RALYL: variants seen among roughly 807,000 people sequenced by gnomAD.
RALYL encodes the protein RNA-binding Raly-like protein.
In RALYL, 29 loss-of-function variants were observed where a neutral mutation model predicts 35.1. That is an observed-to-expected ratio of 0.83 (90% CI 0.61 to 1.13). The LOEUF (loss-of-function observed/expected upper bound fraction) is 1.13, where lower values mean the gene tolerates loss of function less well. Ranked by LOEUF, RALYL falls within the 50% of genes most tolerant of loss-of-function variation. RALYL has a pLI of 0.00. For synonymous variants in RALYL, 120 were observed against 127.6 expected, an observed-to-expected ratio of 0.94 and a Z score of 0.40; for missense variants, 359 against 360.4, an observed-to-expected ratio of 1.00 and a Z score of 0.03.
At chr8:84,501,354 A>AT (rs1448049465) in intron 1 of RALYL, among the ~76,000 whole-genome samples, 3 of 152,202 alleles carry the variant, frequency 2.0e-5, no homozygotes, top group Non-Finnish European at 2.9e-5. Context: ...TTCCACATAG[A>AT]TTTTCTAGAA....
chr8:84,753,798 T>C (rs996392993), intron 2 of RALYL, among the ~76,000 whole-genome samples: 2 of 152,184 alleles, frequency 1.3e-5, no homozygotes, highest in East Asian at 1.9e-4. Context: ...TAAACCGCTT[T>C]TCCTTATAAA....
At chr8:84,503,236 C>T (rs907172574) in intron 1 of RALYL, among the ~76,000 whole-genome samples, 1 of 151,894 alleles carries the variant, frequency 6.6e-6, no homozygotes, top group African/African-American at 2.4e-5. Flanking sequence ...CAGCCTCAAA[C>T]TCCTGAGCTC....
intron 2 of RALYL, among the ~76,000 whole-genome samples, chr8:84,693,699 AG>A (rs1394859367): frequency 6.6e-6 from 1 of 151,962 alleles, no homozygotes; most frequent in African/African-American, 2.4e-5. Flanking sequence ...TGATGAACAT[AG>A]ATGTAAAAAT....
chr8:84,247,520 C>T (rs1180766893), intron 1 of RALYL, among the ~76,000 whole-genome samples: 4 of 148,206 alleles, frequency 2.7e-5, no homozygotes, highest in African/African-American at 1.0e-4. Flanking sequence ...AATTTAATGA[C>T]ACATTTTAAA....
chr8:84,283,712 A>AT (rs1328274988), intron 1 of RALYL, among the ~76,000 whole-genome samples: 12 of 152,094 alleles, frequency 7.9e-5, no homozygotes, highest in Non-Finnish European at 1.6e-4. Flanking sequence ...TCTTTTACAG[A>AT]TTTTTTGCCT....
chr8:84,836,563 C>T (rs949375622), intron 4 of RALYL, among the ~76,000 whole-genome samples: 5 of 152,272 alleles, frequency 3.3e-5, no homozygotes, highest in African/African-American at 7.2e-5. Context: ...TGTGTGCATA[C>T]GTATTGGTGA....
intron 1 of RALYL, among the ~76,000 whole-genome samples, chr8:84,374,479 C>T (rs1402265895): frequency 6.6e-6 from 1 of 151,984 alleles, no homozygotes; most frequent in Non-Finnish European, 1.5e-5. Context: ...GCCTAATTCT[C>T]ACCAACGACA....
chr8:84,192,908 G>GT lies in RALYL; in HGVS notation c.-24+8484_-24+8485insT, dbSNP rs1357319529. On this transcript the variant is annotated intron_variant, in intron 1 of 8. Coordinates refer to ENST00000521268, the MANE Select transcript of RALYL (RefSeq NM_173848.7). ...GGGAGTGTGTGTGTGTGTGTGTGTG[G>GT]GGGGGGGGGTTGTGTACGTGTATAT... Among the ~76,000 whole-genome samples, 18 of 136,400 alleles carry GT rather than the reference G, an allele frequency of 1.3e-4. No individual in the cohort carries two copies. The South Asian group carries it at 2.2e-3, about 17-fold the overall frequency. 89.5% of individuals were successfully genotyped at this position (136,400 alleles called of 152,430 possible).
intron 1 of RALYL, among the ~76,000 whole-genome samples, chr8:84,193,951 A>T (rs1382350914): frequency 6.6e-6 from 1 of 152,178 alleles, no homozygotes; most frequent in Admixed American, 6.5e-5. Flanking sequence ...TACGAGATGA[A>T]CAGAATAAGA....
At chr8:84,593,366 C>A (rs150895219) in intron 2 of RALYL, among the ~76,000 whole-genome samples, 1 of 152,020 alleles carries the variant, frequency 6.6e-6, no homozygotes, top group Admixed American at 6.6e-5. Flanking sequence ...TTTCCTCATG[C>A]GTCGCCAATC....
chr8:84,614,611 C>G (rs1487133576), intron 2 of RALYL, among the ~76,000 whole-genome samples: 1 of 151,482 alleles, frequency 6.6e-6, no homozygotes, highest in East Asian at 1.9e-4. Context: ...TAGGTTGGTA[C>G]AAATGTACTT....
chr8:84,413,786 G>T (rs964910902), intron 1 of RALYL, among the ~76,000 whole-genome samples: 1 of 151,914 alleles, frequency 6.6e-6, no homozygotes, highest in East Asian at 1.9e-4. Flanking sequence ...TTAGTGTTAC[G>T]ATAGGCAGTT....
intron 2 of RALYL, among the ~76,000 whole-genome samples, chr8:84,736,904 G>A (rs1386948636): frequency 2.0e-5 from 3 of 151,890 alleles, no homozygotes; most frequent in Non-Finnish European, 4.4e-5. Flanking sequence ...ATATTTCATT[G>A]TGTTTTCTTT....
intron 2 of RALYL, among the ~76,000 whole-genome samples, chr8:84,731,725 T>G (rs540092149): frequency 6.6e-6 from 1 of 152,126 alleles, no homozygotes; most frequent in African/African-American, 2.4e-5. Context: ...AAACCTAGTC[T>G]TCACATTCTG....
chr8:84,496,913 A>G (rs1033203725), intron 1 of RALYL, among the ~76,000 whole-genome samples: 2 of 152,196 alleles, frequency 1.3e-5, no homozygotes, highest in Non-Finnish European at 2.9e-5. Context: ...CAGAAATGCA[A>G]GAAAACAGAA....
intron 2 of RALYL, 128 bp from the exon 3 acceptor site, chr8:84,774,451 T>C (rs1026433969): frequency 1.5e-6 from 1 of 653,038 alleles, no homozygotes; most frequent in African/African-American, 1.8e-5. Flanking sequence ...AAACATATGT[T>C]GAATGAATCA....
intron 1 of RALYL, among the ~76,000 whole-genome samples, chr8:84,461,543 T>C (rs562425495): frequency 4.6e-5 from 7 of 151,866 alleles, no homozygotes; most frequent in Admixed American, 3.9e-4. Flanking sequence ...TGCAAAATCT[T>C]GTTTTCTGGT....
chr8:84,552,378 T>G (rs1358279001), intron 2 of RALYL, among the ~76,000 whole-genome samples: 1 of 132,446 alleles, frequency 7.6e-6, no homozygotes, highest in South Asian at 2.5e-4. Context: ...TTTTTTTTTT[T>G]TTTTTTTTTG....
intron 2 of RALYL, among the ~76,000 whole-genome samples, chr8:84,572,064 T>C (rs1047704221): frequency 6.6e-6 from 1 of 151,838 alleles, no homozygotes; most frequent in African/African-American, 2.4e-5. Context: ...TATATGTATA[T>C]TCTGCCTTTG....
Sources: gnomAD v4.1 joint callset for allele counts (sites outside exome capture counted in the v4.1 genomes callset) on GRCh38, gnomAD v4.1.1 for gene constraint, MANE v1.5 for transcripts, NCBI Gene and HGNC (gene_info 2026-07-23, HGNC 2026-07-21) for gene names.